GALNT14: variants seen among roughly 807,000 people sequenced by gnomAD.
GALNT14 encodes UDP-GalNAc:polypeptide N-acetylgalactosaminyltransferase 14.
In GALNT14, 60 loss-of-function variants were observed where a neutral mutation model predicts 77.5. The ratio of observed to expected loss-of-function variants is 0.77; its 90% CI spans 0.63 to 0.96. GALNT14 has a LOEUF of 0.96. GALNT14 is among the 40% of genes least tolerant of loss of function. The pLI, the probability that GALNT14 is intolerant of heterozygous loss-of-function variation, is 0.00. For missense variants in GALNT14, 710 were observed against 731.0 expected (o/e 0.97, Z 0.33); for synonymous variants, 280 against 281.7 (o/e 0.99, Z 0.06).
chr2:31,101,682 C>T (rs1018456249), intron 1 of GALNT14, among the ~76,000 whole-genome samples: 5 of 152,194 alleles, frequency 3.3e-5, no homozygotes, highest in African/African-American at 9.6e-5. Flanking sequence ...TCTGCACTTG[C>T]TCCCACATTT....
intron 1 of GALNT14, among the ~76,000 whole-genome samples, chr2:31,020,966 C>T (rs1671678522): frequency 6.6e-6 from 1 of 152,234 alleles, no homozygotes; most frequent in East Asian, 1.9e-4. Context: ...CCTTCTCCAG[C>T]ACACTCTGGC....
At chr2:31,096,813 A>T (rs1411274168) in intron 1 of GALNT14, among the ~76,000 whole-genome samples, 1 of 152,174 alleles carries the variant, frequency 6.6e-6, no homozygotes, top group Non-Finnish European at 1.5e-5. Context: ...CACTACCACC[A>T]GCACCACCAC....
At chr2:31,125,280 A>T (rs1678650795) in intron 1 of GALNT14, 2 of 1,490,926 alleles carry the variant, frequency 1.3e-6, no homozygotes, top group Non-Finnish European at 1.8e-6. Context: ...AAAGAAGAGC[A>T]ACATGGTCAT....
intron 2 of GALNT14, among the ~76,000 whole-genome samples, chr2:30,969,742 T>C (rs1195740191): frequency 6.6e-6 from 1 of 152,106 alleles, no homozygotes. Context: ...GGGATCAGGA[T>C]ACCACTGACC....
At chr2:31,057,805 G>A (rs1405888555) in intron 1 of GALNT14, among the ~76,000 whole-genome samples, 2 of 152,112 alleles carry the variant, frequency 1.3e-5, no homozygotes, top group Admixed American at 1.3e-4. Flanking sequence ...CTGAGCCTGG[G>A]AAGCTGAGCA....
chr2:31,080,867 A>G (rs186811701), intron 1 of GALNT14, among the ~76,000 whole-genome samples: 35 of 152,338 alleles, frequency 2.3e-4, no homozygotes, highest in Non-Finnish European at 2.9e-5. Context: ...TTCAGCTTGA[A>G]AGATGCAGAT....
rs114946650 is a variant in GALNT14, at chr2:30,929,167, G to A, written c.1151+228C>T. On this transcript the variant is annotated intron_variant, in intron 11 of 14. Coordinates refer to ENST00000349752, the MANE Select transcript of GALNT14 (RefSeq NM_024572.4). ...CACAAGGCACAGCTCAGCTCCCCTAGAGCTGGCAGTCCAGGTTGCCAGGCA... is the reference window on the plus strand; with the variant it reads ...CACAAGGCACAGCTCAGCTCCCCTAAAGCTGGCAGTCCAGGTTGCCAGGCA... Among the ~76,000 whole-genome samples the A allele has an allele frequency of 4.7e-3, 716 of 152,308 alleles. 3 individuals carry two copies. The highest frequency in any genetic ancestry group is 0.017 in the African/African-American group (687 of 41,576).
chr2:30,915,873 T>G (rs573020793), intron 13 of GALNT14, among the ~76,000 whole-genome samples: 1 of 152,336 alleles, frequency 6.6e-6, no homozygotes, highest in African/African-American at 2.4e-5. Context: ...AAAGCTTATA[T>G]GTAACAAAAG....
At position 30,910,706 on chromosome 2, in the gene GALNT14, T is replaced by C. The variant is rs1437589805; in HGVS notation, c.*195A>G. 2 of 557,126 alleles carry C rather than the reference T, an allele frequency of 3.6e-6. No individual in the cohort carries two copies. Among genetic ancestry groups the C allele is most frequent in the South Asian group, 2.4e-5 (1 of 41,122 alleles). The allele number at this position is 557,126 out of a possible 1,614,324, so 34.5% of individuals were successfully genotyped here. A position where few individuals can be genotyped will look rare whatever the true frequency, so the allele number is the denominator to read the frequency against. On this transcript the variant is annotated 3_prime_UTR_variant, in exon 15 of 15. Coordinates refer to ENST00000349752, the MANE Select transcript of GALNT14 (RefSeq NM_024572.4). Reference sequence around the variant, plus strand: ...CGGCCTTGAGAACATGTGGGATTTGTCTTTGAGCCCCATTGGCTTGTGATG... The same window carrying C: ...CGGCCTTGAGAACATGTGGGATTTGCCTTTGAGCCCCATTGGCTTGTGATG...
chr2:30,943,109 G>A (rs147254102), intron 8 of GALNT14, among the ~76,000 whole-genome samples: 23 of 152,256 alleles, frequency 1.5e-4, no homozygotes, highest in Middle Eastern at 6.8e-3. Flanking sequence ...CCTTAATCTC[G>A]GACCTCTCCT....
chr2:30,989,903 T>C (rs1669597432), intron 2 of GALNT14, among the ~76,000 whole-genome samples: 1 of 151,834 alleles, frequency 6.6e-6, no homozygotes, highest in African/African-American at 2.4e-5. Context: ...ATCAGTATCC[T>C]TAGCCCCTGG....
chr2:31,117,340 T>C (rs1678160709), intron 1 of GALNT14, among the ~76,000 whole-genome samples: 1 of 152,156 alleles, frequency 6.6e-6, no homozygotes, highest in African/African-American at 2.4e-5. Flanking sequence ...CCAGTCAAAA[T>C]GTATGGGACA....
chr2:30,999,834 G>A (rs1048590419), intron 1 of GALNT14, among the ~76,000 whole-genome samples: 4 of 152,196 alleles, frequency 2.6e-5, no homozygotes, highest in South Asian at 2.1e-4. Context: ...ATATGGTGTG[G>A]AGCCTGGCAC....
chr2:31,099,953 T>C (rs574380985), intron 1 of GALNT14, among the ~76,000 whole-genome samples: 3 of 152,218 alleles, frequency 2.0e-5, no homozygotes, highest in Non-Finnish European at 2.9e-5. Context: ...GTTTGATTTA[T>C]AAATTAACTT....
chr2:31,087,042 T>C lies in GALNT14; in HGVS notation c.129+50916A>G, dbSNP rs139957661. 2.1e-3 allele frequency among the ~76,000 whole-genome samples: 314 copies of C among 152,238 alleles called. 1 individual carries two copies. Among genetic ancestry groups the C allele is most frequent in the African/African-American group, 7.2e-3 (300 of 41,524 alleles). Reference sequence around the variant, plus strand: ...GCATGGGGGAATGTGGCCTTTTAGATAGAATGGTAGAAGGCTTCTCTGGGA... The same window carrying C: ...GCATGGGGGAATGTGGCCTTTTAGACAGAATGGTAGAAGGCTTCTCTGGGA... On this transcript the variant is annotated intron_variant, in intron 1 of 14. Transcript: ENST00000349752.
intron 1 of GALNT14, among the ~76,000 whole-genome samples, chr2:31,023,272 T>A (rs866324045): frequency 3.9e-5 from 6 of 152,110 alleles, no homozygotes; most frequent in Admixed American, 6.5e-5. Context: ...TGAAAAATAA[T>A]CCTAGTAAGT....
chr2:31,103,853 C>T (rs1677416854), intron 1 of GALNT14, among the ~76,000 whole-genome samples: 1 of 152,122 alleles, frequency 6.6e-6, no homozygotes, highest in Non-Finnish European at 1.5e-5. Flanking sequence ...TAAAAATATT[C>T]AATGCTCACC....
chr2:31,095,999 T>C (rs1676985532), intron 1 of GALNT14, among the ~76,000 whole-genome samples: 1 of 152,120 alleles, frequency 6.6e-6, no homozygotes, highest in Non-Finnish European at 1.5e-5. Context: ...TTAGGAGAGA[T>C]TCTGTTTCCT....
intron 1 of GALNT14, among the ~76,000 whole-genome samples, chr2:31,085,594 C>T (rs1399137790): frequency 6.6e-6 from 1 of 152,252 alleles, no homozygotes; most frequent in African/African-American, 2.4e-5. Context: ...GACTGACTTC[C>T]ACCACCTCTA....
Sources: allele counts gnomAD v4.1 joint callset (sites outside exome capture counted in the v4.1 genomes callset), GRCh38; gene constraint gnomAD v4.1.1; transcripts MANE v1.5; gene names NCBI Gene and HGNC (gene_info 2026-07-23, HGNC 2026-07-21).